The following EMSY variants were observed in gnomAD, a reference collection of about 807,000 sequenced individuals.
EMSY encodes the protein BRCA2-interacting transcriptional repressor EMSY.
EMSY carries 26 observed loss-of-function variants against 134.6 expected under a neutral mutation model. The observed-to-expected ratio is 0.19, with a 90% CI of 0.14 to 0.27. EMSY has a LOEUF of 0.27. Among genes scored for constraint, EMSY ranks in the 10% least tolerant of loss-of-function variants. EMSY has a pLI of 1.00. For missense variants in EMSY, 1,305 were observed against 1,611.4 expected, an observed-to-expected ratio of 0.81 and a Z score of 3.26; for synonymous variants, 579 against 577.8, an observed-to-expected ratio of 1.00 and a Z score of -0.03.
chr11:76,497,206 C>T lies in EMSY; in HGVS notation c.1363+737C>T, dbSNP rs1590897679. ...TTGATTGATTTTCTGTTAAACCAGC[C>T]TTGCATATTTGAAATAAATCCCACT... On this transcript the variant is annotated intron_variant, in intron 9 of 20. Coordinates refer to ENST00000334736, the Ensembl canonical transcript of EMSY. 3.3e-5 allele frequency: 5 copies of T among 152,182 alleles called. No homozygotes were observed. The South Asian group carries it at 8.3e-4, about 25-fold the overall frequency. The allele number at this position is 152,182 out of a possible 1,614,324, so 9.4% of individuals were successfully genotyped here.
chr11:76,526,230 C>T (rs866117920), intron 12 of EMSY, among the ~76,000 whole-genome samples: 94 of 152,010 alleles, frequency 6.2e-4, no homozygotes, highest in African/African-American at 2.2e-3. Context: ...TTTTAAAATT[C>T]GCTCATCAGA....
chr11:76,512,101 T>C (rs990431786), intron 9 of EMSY, among the ~76,000 whole-genome samples: 1 of 152,214 alleles, frequency 6.6e-6, no homozygotes, highest in African/African-American at 2.4e-5. Flanking sequence ...CAAAAAGTAA[T>C]ATAATTCTTA....
intron 7 of EMSY, among the ~76,000 whole-genome samples, chr11:76,470,196 A>G (rs1948516645): frequency 6.6e-6 from 1 of 152,186 alleles, no homozygotes; most frequent in South Asian, 2.1e-4. Context: ...AAGTGATATA[A>G]AAATGAAAAA....
chr11:76,453,559 G>GTT, intron 4 of EMSY, 171 bp downstream of exon 4: 1 of 483,472 alleles, frequency 2.1e-6, no homozygotes, highest in Non-Finnish European at 3.4e-6. Flanking sequence ...ATTCAGTTGG[G>GTT]TTTTTTTTTG....
At chr11:76,529,077 G>T (rs1939468) in intron 14 of EMSY, among the ~76,000 whole-genome samples, 40,963 of 151,906 alleles carry the variant, frequency 0.27, 5,827 homozygotes, top group Non-Finnish European at 0.32. Context: ...CTTTGTCCTC[G>T]GTGCTGTTTG....
At chr11:76,524,269 A>G (rs1350260557) in intron 12 of EMSY, among the ~76,000 whole-genome samples, 1 of 152,130 alleles carries the variant, frequency 6.6e-6, no homozygotes, top group Non-Finnish European at 1.5e-5. Context: ...AGCTATTGTG[A>G]AAGTGCTTAG....
chr11:76,464,968 C>A (rs942019388), intron 7 of EMSY, among the ~76,000 whole-genome samples: 1 of 152,210 alleles, frequency 6.6e-6, no homozygotes, highest in African/African-American at 2.4e-5. Flanking sequence ...CAGTACCATT[C>A]TAATTTCAGA....
chr11:76,515,211 G>C (rs111801049), intron 10 of EMSY, among the ~76,000 whole-genome samples: 4 of 150,764 alleles, frequency 2.7e-5, no homozygotes, highest in East Asian at 1.9e-4. Flanking sequence ...TTTTTTGGGG[G>C]GGGGGAGGAG....
intron 9 of EMSY, among the ~76,000 whole-genome samples, chr11:76,499,374 A>G (rs1949771638): frequency 8.1e-6 from 1 of 123,668 alleles, no homozygotes; most frequent in South Asian, 2.6e-4. Flanking sequence ...TGCAAGCTCC[A>G]CCTTCTGGGT....
exon 20 of EMSY, chr11:76,546,231 G>A (rs1591033160): frequency 1.2e-6 from 2 of 1,614,136 alleles, no homozygotes; most frequent in East Asian, 2.2e-5. Context: ...CGACAGGCCA[G>A]TTCATGCGTA....
intron 19 of EMSY, 78 bp downstream of exon 20, chr11:76,544,900 A>ATG: frequency 7.0e-7 from 1 of 1,437,212 alleles, no homozygotes; most frequent in Non-Finnish European, 9.5e-7. Flanking sequence ...CGACCCTATC[A>ATG]TGATATCAGT....
intron 7 of EMSY, among the ~76,000 whole-genome samples, chr11:76,467,645 T>A (rs1948406440): frequency 6.6e-6 from 1 of 152,206 alleles, no homozygotes; most frequent in African/African-American, 2.4e-5. Flanking sequence ...TAGAAGTATC[T>A]GGTTCCAATA....
intron 9 of EMSY, among the ~76,000 whole-genome samples, chr11:76,503,321 A>AAAGAAG (rs1353782862): frequency 8.1e-5 from 12 of 148,652 alleles, no homozygotes; most frequent in African/African-American, 3.1e-4. Context: ...AAAAAAAAAA[A>AAAGAAG]AAGAAGAAGA....
Position 76,454,509 on chromosome 11 carries a change from G to A in EMSY, c.245+1121G>A, listed in dbSNP as rs144467516. Among the ~76,000 whole-genome samples, 1,183 of 152,200 alleles carry A rather than the reference G, an allele frequency of 7.8e-3. 3 individuals carry two copies. Among genetic ancestry groups the A allele is most frequent in the Non-Finnish European group, 0.012 (800 of 67,988 alleles). Reference sequence around the variant, plus strand: ...TTGCTCTAAGCTTTTGAATTGGGGTGCTCTAGAAGTAATGGTAACTGCGCC... The same window carrying A: ...TTGCTCTAAGCTTTTGAATTGGGGTACTCTAGAAGTAATGGTAACTGCGCC... On this transcript the variant is annotated intron_variant, in intron 4 of 20. Transcript: ENST00000334736.
exon 13 of EMSY, chr11:76,526,528 A>G (rs759829303): frequency 1.2e-6 from 2 of 1,613,874 alleles, no homozygotes; most frequent in East Asian, 4.5e-5. Context: ...TACAAGACCC[A>G]TCACCAAAAT....
intron 11 of EMSY, among the ~76,000 whole-genome samples, chr11:76,518,193 A>G (rs1950515384): frequency 6.9e-6 from 1 of 144,734 alleles, no homozygotes; most frequent in East Asian, 2.0e-4. Flanking sequence ...TTTTTAAGAC[A>G]GAGTATCACT....
At chr11:76,476,673 C>T (rs1296659727) in intron 8 of EMSY, among the ~76,000 whole-genome samples, 2 of 152,124 alleles carry the variant, frequency 1.3e-5, no homozygotes, top group African/African-American at 4.8e-5. Context: ...ATTCTTTTGA[C>T]ACAACTACAT....
rs142026516 is a variant in EMSY at position 76,501,613 on chromosome 11, G to C, written c.1363+5144G>C. Among the ~76,000 whole-genome samples, 5 of 152,110 alleles carry C rather than the reference G, an allele frequency of 3.3e-5. No homozygotes were observed. The East Asian group carries it at 9.7e-4, about 29-fold the overall frequency. ...GGCAGAAGAAAGAATTTGCAAATCT[G>C]AAAAACGATCAATAGAGGTTATGTG... On this transcript the variant is annotated intron_variant, in intron 9 of 20. Transcript: ENST00000334736.
intron 14 of EMSY, 61 bp downstream of exon 15, chr11:76,528,527 A>C (rs1950922649): frequency 1.5e-6 from 2 of 1,293,184 alleles, no homozygotes; most frequent in Non-Finnish European, 2.2e-6. Context: ...CAAATTCTAA[A>C]ATAGAGGTTG....
Sources: gnomAD v4.1 joint callset for allele counts (sites outside exome capture counted in the v4.1 genomes callset) on GRCh38, gnomAD v4.1.1 for gene constraint, MANE v1.5 for transcripts, NCBI Gene and HGNC (gene_info 2026-07-23, HGNC 2026-07-21) for gene names.